Variants in GALNTL6 observed in about 807,000 individuals in gnomAD.
The protein encoded by GALNTL6 is polypeptide N-acetylgalactosaminyltransferase-like 6.
Under a neutral mutation model 73.7 loss-of-function variants are expected in GALNTL6, and 46 were observed. The observed-to-expected ratio is 0.62, with a 90% CI of 0.49 to 0.80. The LOEUF is 0.80. Among genes scored for constraint, GALNTL6 ranks in the 30% least tolerant of loss-of-function variants. GALNTL6 has a pLI of 0.00. For missense variants in GALNTL6, 604 were observed against 755.0 expected (o/e 0.80, Z 2.34); for synonymous variants, 259 against 263.7 (o/e 0.98, Z 0.17).
At chr4:171,956,386 T>A (rs408196) in intron 2 of GALNTL6, among the ~76,000 whole-genome samples, 72,196 of 151,836 alleles carry the variant, frequency 0.48, 17,664 homozygotes, top group Middle Eastern at 0.6. Context: ...ACCCAATTAT[T>A]TCCTAAGGAT....
intron 2 of GALNTL6, among the ~76,000 whole-genome samples, chr4:171,979,509 G>T (rs1200645915): frequency 6.6e-6 from 1 of 152,208 alleles, no homozygotes; most frequent in Non-Finnish European, 1.5e-5. Flanking sequence ...GGGAAAAGAA[G>T]TTTCAGGCAA....
rs141659074 is a variant in GALNTL6 at position 172,077,212 on chromosome 4, T to C, written c.139-152444T>C. Among the ~76,000 whole-genome samples the C allele has an allele frequency of 6.3e-3, 965 of 152,286 alleles. 5 individuals are homozygous for C. Among genetic ancestry groups the C allele is most frequent in the South Asian group, 0.037 (177 of 4,816 alleles). On this transcript the variant is annotated intron_variant, in intron 2 of 12. Transcript: ENST00000506823. ...GTACTAGGAAAGTGGGGTGTTTCTA[T>C]AAAGATACCTGAAAATGTGGAAGTG...
chr4:172,100,028 C>CTA (rs1278696688), intron 2 of GALNTL6, among the ~76,000 whole-genome samples: 1 of 152,038 alleles, frequency 6.6e-6, no homozygotes, highest in Non-Finnish European at 1.5e-5. Flanking sequence ...AAAGGAGATA[C>CTA]TATATTAGCA....
At chr4:172,848,050 G>A (rs1409487185) in intron 7 of GALNTL6, among the ~76,000 whole-genome samples, 3 of 152,184 alleles carry the variant, frequency 2.0e-5, no homozygotes, top group Non-Finnish European at 4.4e-5. Context: ...TGACACCCAT[G>A]TTTATGTCTT....
intron 10 of GALNTL6, among the ~76,000 whole-genome samples, chr4:172,961,832 A>G (rs2126380172): frequency 6.6e-6 from 1 of 152,334 alleles, no homozygotes; most frequent in African/African-American, 2.4e-5. Flanking sequence ...CTCATGGAAC[A>G]AAGAGCAGGA....
chr4:172,180,645 C>A (rs1211939644), intron 2 of GALNTL6, among the ~76,000 whole-genome samples: 3 of 152,058 alleles, frequency 2.0e-5, no homozygotes, highest in Non-Finnish European at 4.4e-5. Context: ...AGGAAGCGGT[C>A]CAGTTTCAGT....
intron 5 of GALNTL6, among the ~76,000 whole-genome samples, chr4:172,449,002 T>C (rs972470810): frequency 1.3e-5 from 2 of 152,172 alleles, no homozygotes; most frequent in Non-Finnish European, 2.9e-5. Flanking sequence ...ATCCCTCAAC[T>C]AATTAACTTT....
At chr4:172,906,950 T>C (rs980552559) in intron 8 of GALNTL6, among the ~76,000 whole-genome samples, 22 of 152,298 alleles carry the variant, frequency 1.4e-4, no homozygotes, top group Non-Finnish European at 2.9e-4. Context: ...ACCGACTTCA[T>C]AGAATGTCAT....
intron 5 of GALNTL6, among the ~76,000 whole-genome samples, chr4:172,579,159 A>G (rs1175616140): frequency 1.3e-5 from 2 of 152,174 alleles, no homozygotes; most frequent in African/African-American, 2.4e-5. Context: ...ACAGAATTCT[A>G]TGTTTGTCCA....
intron 5 of GALNTL6, among the ~76,000 whole-genome samples, chr4:172,736,743 A>C (rs1376239736): frequency 2.0e-5 from 3 of 152,220 alleles, no homozygotes; most frequent in African/African-American, 7.2e-5. Flanking sequence ...TTGGGGAACT[A>C]ATAAATGTCC....
At chr4:172,784,915 G>A (rs1258524551) in intron 5 of GALNTL6, among the ~76,000 whole-genome samples, 1 of 152,088 alleles carries the variant, frequency 6.6e-6, no homozygotes, top group Non-Finnish European at 1.5e-5. Context: ...CAGATGCAAA[G>A]GAACCCATCC....
chr4:172,504,177 A>AAAAAAAAAAAAAC lies in GALNTL6; in HGVS notation c.553+155490_553+155491insAAAAAAAAAACAA, dbSNP rs1734364440. Among the ~76,000 whole-genome samples the AAAAAAAAAAAAAC allele has an allele frequency of 4.4e-5, 2 of 45,472 alleles. 1 individual carries two copies. Among genetic ancestry groups the AAAAAAAAAAAAAC allele is most frequent in the Non-Finnish European group, 9.7e-5 (2 of 20,526 alleles). The allele number at this position is 45,472 out of a possible 152,430, so 29.8% of individuals were successfully genotyped here. ...TCTGTCTCAAAAAAAAAAAAAAAAAAAACTCACACCTTGTTGATATTGGTC... is the reference window on the plus strand; with the variant it reads ...TCTGTCTCAAAAAAAAAAAAAAAAAAAAAAAAAAAAAACAACTCACACCTTGTTGATATTGGTC... On this transcript the variant is annotated intron_variant, in intron 5 of 12. Coordinates refer to ENST00000506823, the MANE Select transcript of GALNTL6 (RefSeq NM_001034845.3).
rs57722016 is a variant in GALNTL6 at position 172,583,893 on chromosome 4, CAAAAAAAAAAAAAA to C, written c.554-225454_554-225441del. 2.8e-4 allele frequency among the ~76,000 whole-genome samples: 9 copies of C among 31,618 alleles called. No individual in the cohort carries two copies. In the Admixed American group the frequency reaches 3.2e-3, roughly 11 times the overall value. 20.7% of individuals were successfully genotyped at this position (31,618 alleles called of 152,430 possible). On this transcript the variant is annotated intron_variant, in intron 5 of 12. Transcript: ENST00000506823. ...GGGCCGACAGAGCGAGACTCTGTCT[CAAAAAAAAAAAAAA>C]AAAAAAAAAAAAATCAGATGCTGGG...
chr4:172,889,499 T>A (rs1221939377), intron 8 of GALNTL6, among the ~76,000 whole-genome samples: 1 of 152,222 alleles, frequency 6.6e-6, no homozygotes, highest in Non-Finnish European at 1.5e-5. Flanking sequence ...ATTTTCTACA[T>A]CTATTAAGAT....
intron 2 of GALNTL6, among the ~76,000 whole-genome samples, chr4:172,106,548 A>T (rs934290201): frequency 2.0e-5 from 3 of 152,180 alleles, no homozygotes; most frequent in African/African-American, 7.2e-5. Context: ...GTCAAAGGAA[A>T]TATAGAACCC....
chr4:172,165,348 G>A (rs568048768), intron 2 of GALNTL6, among the ~76,000 whole-genome samples: 5 of 152,180 alleles, frequency 3.3e-5, no homozygotes, highest in Admixed American at 6.5e-5. Flanking sequence ...TTAATTGTCC[G>A]TTGCCACACA....
chr4:171,988,673 G>A (rs1161024287), intron 2 of GALNTL6, among the ~76,000 whole-genome samples: 1 of 152,152 alleles, frequency 6.6e-6, no homozygotes, highest in Non-Finnish European at 1.5e-5. Flanking sequence ...CAGGTAAAAT[G>A]GGGGAATGGT....
intron 5 of GALNTL6, among the ~76,000 whole-genome samples, chr4:172,619,447 A>G (rs190752785): frequency 3.6e-4 from 55 of 152,284 alleles, no homozygotes; most frequent in Non-Finnish European, 5.9e-4. Flanking sequence ...TTTTTCCCCA[A>G]CATTATGACT....
chr4:172,761,678 T>TCC (rs1738111085), intron 5 of GALNTL6, among the ~76,000 whole-genome samples: 2 of 151,380 alleles, frequency 1.3e-5, no homozygotes, highest in Non-Finnish European at 3.0e-5. Flanking sequence ...TTTCTCTCTC[T>TCC]CTCTCTCTCT....
Sources: allele counts gnomAD v4.1 joint callset (sites outside exome capture counted in the v4.1 genomes callset), GRCh38; gene constraint gnomAD v4.1.1; transcripts MANE v1.5; gene names NCBI Gene and HGNC (gene_info 2026-07-23, HGNC 2026-07-21).